PDE2A: variants seen among roughly 807,000 people sequenced by gnomAD.
PDE2A encodes the protein phosphodiesterase 2A.
Under a neutral mutation model 133.6 loss-of-function variants are expected in PDE2A, and 53 were observed. The observed-to-expected ratio is 0.40, with a 90% CI of 0.32 to 0.50. The LOEUF (loss-of-function observed/expected upper bound fraction) is 0.50, where lower values mean the gene tolerates loss of function less well. Among genes scored for constraint, PDE2A ranks in the 20% least tolerant of loss-of-function variants. The pLI, the probability that PDE2A is intolerant of heterozygous loss-of-function variation, is 0.73. For missense variants in PDE2A, 796 were observed against 1,232.4 expected (o/e 0.65, Z 5.30); for synonymous variants, 491 against 490.2 (o/e 1.00, Z -0.02).
At position 72,577,301 on chromosome 11, in the gene PDE2A, G is replaced by C; in HGVS notation, c.*83C>G. On this transcript the variant is annotated 3_prime_UTR_variant, in exon 31 of 31. Transcript: ENST00000334456. Reference sequence around the variant, plus strand: ...AGTCCTGGTCTAGGACCCAGGACCCGTGGCTCTGTTCCCAGTGCATCTGGC... The same window carrying C: ...AGTCCTGGTCTAGGACCCAGGACCCCTGGCTCTGTTCCCAGTGCATCTGGC... 9.6e-7 allele frequency: 1 copy of C among 1,042,800 alleles called. No individual in the cohort carries two copies. Among genetic ancestry groups the C allele is most frequent in the Non-Finnish European group, 1.4e-6 (1 of 696,416 alleles). The allele number at this position is 1,042,800 out of a possible 1,614,324, so 64.6% of individuals were successfully genotyped here.
chr11:72,620,218 C>T (rs988108255), intron 2 of PDE2A, among the ~76,000 whole-genome samples: 1 of 152,306 alleles, frequency 6.6e-6, no homozygotes, highest in South Asian at 2.1e-4. Context: ...GATTATAGGA[C>T]TGGGGTAGAC....
chr11:72,647,821 G>T (rs1388089678), intron 1 of PDE2A, among the ~76,000 whole-genome samples: 1 of 152,232 alleles, frequency 6.6e-6, no homozygotes, highest in African/African-American at 2.4e-5. Flanking sequence ...AGCATGATGT[G>T]TGTGAGGGTG....
intron 1 of PDE2A, among the ~76,000 whole-genome samples, chr11:72,645,526 A>G (rs1006793924): frequency 6.6e-6 from 1 of 152,168 alleles, no homozygotes; most frequent in African/African-American, 2.4e-5. Flanking sequence ...CCTCACTCCA[A>G]CTGCACAATC....
Position 72,644,165 on chromosome 11 carries a change from T to C in PDE2A, c.72-1839A>G, listed in dbSNP as rs538792122. ...GAAGGCCCACCTCCTCTGGGAGGGC[T>C]TCCCTGGTTACTACCTTATCCCTCT... On this transcript the variant is annotated intron_variant, in intron 1 of 30. Transcript: ENST00000334456. Among the ~76,000 whole-genome samples, 3 of 152,312 alleles carry C rather than the reference T, an allele frequency of 2.0e-5. No individual in the cohort carries two copies. The East Asian group carries it at 5.8e-4, about 29-fold the overall frequency.
intron 2 of PDE2A, among the ~76,000 whole-genome samples, chr11:72,637,032 C>T (rs186621850): frequency 3.9e-4 from 58 of 148,816 alleles, no homozygotes; most frequent in Middle Eastern, 6.8e-3. Context: ...GGTGCTGCCA[C>T]AGGCTCTCCT....
intron 1 of PDE2A, among the ~76,000 whole-genome samples, chr11:72,663,700 G>C (rs1225548658): frequency 1.4e-5 from 2 of 145,170 alleles, no homozygotes; most frequent in Non-Finnish European, 3.0e-5. Flanking sequence ...CTGCACTCCA[G>C]CCTGGGCGAC....
chr11:72,624,553 T>C (rs2135402813), intron 2 of PDE2A, among the ~76,000 whole-genome samples: 1 of 152,276 alleles, frequency 6.6e-6, no homozygotes, highest in South Asian at 2.1e-4. Context: ...AATGTCACAA[T>C]TCAGTGTCAG....
In PDE2A at chr11:72,581,476, G is replaced by T; in HGVS notation, c.1926C>A (p.Phe642Leu). 6.3e-7 allele frequency: 1 copy of T among 1,593,052 alleles called. No individual in the cohort carries two copies. Among genetic ancestry groups the T allele is most frequent in the South Asian group, 1.1e-5 (1 of 87,394 alleles). The change falls in exon 23 of 31, where the codon TTC becomes TTA. Residue 642 changes from phenylalanine (F) to leucine (L), a missense_variant. By Grantham distance (22) the Phe-to-Leu change is conservative. This residue lies in a region of PDE2A where 218 missense variants were observed against 465.9 expected (regional missense o/e 0.47). Coordinates refer to ENST00000334456, the MANE Select transcript of PDE2A (RefSeq NM_002599.5). ...YKIDCPTLAR[F>L]CLMVKKGYRD... Reference sequence around the variant, plus strand: ...GGTAGCCCTTCTTCACCATCAAACAGAACCTGGGGGAGGGAAGAGGGCAGA... The same window carrying T: ...GGTAGCCCTTCTTCACCATCAAACATAACCTGGGGGAGGGAAGAGGGCAGA...
At chr11:72,664,430 G>C (rs1855170812) in intron 1 of PDE2A, among the ~76,000 whole-genome samples, 1 of 135,530 alleles carries the variant, frequency 7.4e-6, no homozygotes, top group South Asian at 2.4e-4. Flanking sequence ...CTGGAGTGCA[G>C]TGGCACAATC....
intron 11 of PDE2A, 33 bp from the exon 12 acceptor site, chr11:72,589,273 AGTACTCCCCAG>A: frequency 6.6e-7 from 1 of 1,520,690 alleles, no homozygotes; most frequent in Non-Finnish European, 9.1e-7. Flanking sequence ...GTCAGGGCCC[AGTACTCCCCAG>A]GTCAGGGGAT....
Position 72,671,495 on chromosome 11 carries a change from C to T in PDE2A, c.71+2642G>A, listed in dbSNP as rs1019707917. On this transcript the variant is annotated intron_variant, in intron 1 of 30. Transcript: ENST00000334456. The stretch of plus-strand genomic sequence containing the variant: ...TGCTGGGAGCTCTTCCCCCCACCCC[C>T]GCCCCCACCCCCCACCATTTGGCTA... 7.9e-5 allele frequency among the ~76,000 whole-genome samples: 12 copies of T among 152,132 alleles called. 1 individual carries two copies. The highest frequency in any genetic ancestry group is 7.2e-4 in the Admixed American group (11 of 15,300).
rs542906536 is a variant in PDE2A at position 72,597,670 on chromosome 11, C to G, written c.324-51G>C. 6 of 1,258,968 alleles carry G rather than the reference C, an allele frequency of 4.8e-6. No homozygotes were observed. The South Asian group carries it at 7.4e-5, about 16-fold the overall frequency. 78.0% of individuals were successfully genotyped at this position (1,258,968 alleles called of 1,614,324 possible). A position where few individuals can be genotyped will look rare whatever the true frequency, so the allele number is the denominator to read the frequency against. On this transcript the variant is annotated intron_variant, in intron 4 of 30. Transcript: ENST00000334456. This position sits in a 1 kb window ranked among gnomAD's most constrained non-coding sequence, Gnocchi z 4.6. ...TGAGAGCCCCCGACTCAGGGAGGAA[C>G]GAGGCCTGGCCTGGGAACACAGGAC... is the stretch of plus-strand genomic sequence containing the variant.
chr11:72,608,900 TCAAA>T (rs1281433501), intron 2 of PDE2A, 149 bp from the exon 3 acceptor site: 2 of 624,880 alleles, frequency 3.2e-6, no homozygotes, highest in East Asian at 5.5e-5. Context: ...GATCTCAAAA[TCAAA>T]CAGTCTTAAG....
chr11:72,626,627 C>T (rs1024679446), intron 2 of PDE2A, among the ~76,000 whole-genome samples: 5 of 152,292 alleles, frequency 3.3e-5, no homozygotes, highest in South Asian at 2.1e-4. Context: ...GAGCCTTCTC[C>T]CCTCCCACTC....
Position 72,578,419 on chromosome 11 carries a change from G to A in PDE2A, c.2508+57C>T. 1 of 1,584,392 alleles carries A rather than the reference G, an allele frequency of 6.3e-7. No homozygotes were observed. The highest frequency in any genetic ancestry group is 2.2e-5 in the East Asian group (1 of 44,740). On this transcript the variant is annotated intron_variant, in intron 29 of 30. Coordinates refer to ENST00000334456, the MANE Select transcript of PDE2A (RefSeq NM_002599.5). The surrounding 1 kb of genome is among the most constrained non-coding windows in gnomAD (Gnocchi z 4.2). The stretch of plus-strand genomic sequence containing the variant: ...GGTCAGGCTAGTTCAAGCCCTCCCT[G>A]TCCCAGGCCAGGAACCCTCCCCCAT...
intron 1 of PDE2A, among the ~76,000 whole-genome samples, chr11:72,673,109 C>G (rs1195483933): frequency 6.6e-6 from 1 of 152,112 alleles, no homozygotes; most frequent in African/African-American, 2.4e-5. Context: ...CTATTATTCA[C>G]ACACTAACAA....
At chr11:72,579,151 T>C (rs1855598792) in intron 27 of PDE2A, 133 bp downstream of exon 27, 1 of 944,638 alleles carries the variant, frequency 1.1e-6, no homozygotes, top group Admixed American at 1.8e-5. Flanking sequence ...TGGGTCTGCC[T>C]GGGGGGGGCC....
At chr11:72,627,762 C>A (rs1212942452) in intron 2 of PDE2A, among the ~76,000 whole-genome samples, 1 of 152,232 alleles carries the variant, frequency 6.6e-6, no homozygotes, top group Non-Finnish European at 1.5e-5. Flanking sequence ...TCCCCATGCC[C>A]CCATCCCAGC....
At chr11:72,640,908 A>C (rs926497092) in intron 2 of PDE2A, among the ~76,000 whole-genome samples, 1 of 152,156 alleles carries the variant, frequency 6.6e-6, no homozygotes, top group Non-Finnish European at 1.5e-5. Flanking sequence ...CACACATAGC[A>C]CACAATGCCA....
Sources: allele counts gnomAD v4.1 joint callset (sites outside exome capture counted in the v4.1 genomes callset), GRCh38; gene constraint gnomAD v4.1.1; regional missense constraint gnomAD v4.1.1; non-coding constraint Gnocchi (gnomAD v3.1); transcripts MANE v1.5; gene names NCBI Gene and HGNC (gene_info 2026-07-23, HGNC 2026-07-21).